The following S100A7A variants were observed in gnomAD, a reference collection of about 807,000 sequenced individuals.
S100A7A encodes the protein protein S100-A7A.
A neutral mutation model predicts 4.0 loss-of-function variants in S100A7A; 5 were observed. That is an observed-to-expected ratio of 1.26 (90% CI 0.66 to 2.66). S100A7A has a LOEUF of 2.66. Ranked by LOEUF, S100A7A falls within the 30% of genes most tolerant of loss-of-function variation. The pLI is 0.01. For missense variants in S100A7A, 159 were observed against 125.1 expected (o/e 1.27, Z -1.29); for synonymous variants, 52 against 46.4 (o/e 1.12, Z -0.49).
intron 1 of S100A7A, chr1:153,417,089 T>C (rs1420689822): frequency 1.3e-5 from 2 of 152,372 alleles, no homozygotes; most frequent in Non-Finnish European, 2.9e-5. Flanking sequence ...CTTAGTCAGT[T>C]GCTGGCACGG....
intron 1 of S100A7A, 159 bp from the exon 2 acceptor site, chr1:153,417,907 A>G: frequency 1.1e-6 from 1 of 924,338 alleles, no homozygotes; most frequent in Admixed American, 3.0e-5. Context: ...CTACCCTCTC[A>G]TTTTTGAACA....
rs1413099303 is a variant in S100A7A at position 153,421,792 on chromosome 1, T to C, written c.*2483T>C. On this transcript the variant is annotated 3_prime_UTR_variant, in exon 3 of 3. Coordinates refer to ENST00000368729, the MANE Select transcript of S100A7A (RefSeq NM_176823.4). ...ACTCCTAATGTGGGCCTGCCCTCCC[T>C]TTATTTTTCCAGTTCTTATTTCACC... is the stretch of plus-strand genomic sequence containing the variant. The C allele has an allele frequency of 1.3e-5, 2 of 152,238 alleles. No homozygotes were observed. Among genetic ancestry groups the C allele is most frequent in the Admixed American group, 1.3e-4 (2 of 15,288 alleles). 9.4% of individuals were successfully genotyped at this position (152,238 alleles called of 1,614,324 possible).
chr1:153,417,826 G>A (rs1238631700), intron 1 of S100A7A: 2 of 469,912 alleles, frequency 4.3e-6, no homozygotes, highest in East Asian at 7.5e-5. Context: ...ACTGTCCACA[G>A]CTGGACTTCT....
At chr1:153,417,394 AG>A (rs1292102198) in intron 1 of S100A7A, 1 of 152,400 alleles carries the variant, frequency 6.6e-6, no homozygotes, top group Non-Finnish European at 1.5e-5. Flanking sequence ...CAGCAGCTTA[AG>A]AACCAGGGAG....
chr1:153,421,228 T>C lies in S100A7A; in HGVS notation c.*1919T>C, dbSNP rs1662891081. 2 of 152,222 alleles carry C rather than the reference T, an allele frequency of 1.3e-5. No homozygotes were observed. Among genetic ancestry groups the C allele is most frequent in the Admixed American group, 1.3e-4 (2 of 15,288 alleles). The allele number at this position is 152,222 out of a possible 1,614,324, so 9.4% of individuals were successfully genotyped here. ...TAACATTACATTTCAAGGCTGAGCT[T>C]TAATGTCAGTGTCTCTTAGACATTC... On this transcript the variant is annotated 3_prime_UTR_variant, in exon 3 of 3. Coordinates refer to ENST00000368729, the MANE Select transcript of S100A7A (RefSeq NM_176823.4).
In S100A7A at chr1:153,419,294, TG is replaced by T; in HGVS notation, c.296del (p.Gly99GlufsTer18). Reference sequence around the variant, plus strand: ...AGAGCCATGGAGCGGCGCCCTGTTCTGGGGGAAGCCAGTGATCCAGCCCCAC... The same window carrying T: ...AGAGCCATGGAGCGGCGCCCTGTTCTGGGGAAGCCAGTGATCCAGCCCCAC... ...KQSHGAAPCSGGSQ is the reference protein window; with the variant it reads ...KQSHGAAPCSXGSQ On this transcript the variant is annotated frameshift_variant, in exon 3 of 3. Coordinates refer to ENST00000368729, the MANE Select transcript of S100A7A (RefSeq NM_176823.4). LOFTEE classifies it high-confidence loss of function. 6.2e-7 allele frequency: 1 copy of T among 1,614,098 alleles called. No homozygotes were observed. The highest frequency in any genetic ancestry group is 1.1e-5 in the South Asian group (1 of 91,064).
Position 153,421,019 on chromosome 1 carries a change from T to C in S100A7A, c.*1710T>C, listed in dbSNP as rs923046802. The C allele has an allele frequency of 1.1e-4, 16 of 152,202 alleles. No homozygotes were observed. The highest frequency in any genetic ancestry group is 2.7e-4 in the African/African-American group (11 of 41,398). 9.4% of individuals were successfully genotyped at this position (152,202 alleles called of 1,614,324 possible). ...AACCGTCATGCCAGGGTCCCAAAAG[T>C]GTGGGTGCCTGACTTCCTCTCTGTG... On this transcript the variant is annotated 3_prime_UTR_variant, in exon 3 of 3. Transcript: ENST00000368729.
At chr1:153,417,730 T>C (rs1206779161) in intron 1 of S100A7A, among the ~76,000 whole-genome samples, 5 of 152,156 alleles carry the variant, frequency 3.3e-5, no homozygotes, top group South Asian at 2.1e-4. Flanking sequence ...GGGTCCGCCA[T>C]GTGCTGGTTG....
chr1:153,418,508 C>G lies in S100A7A; in HGVS notation c.141+285C>G, dbSNP rs571390995. 3.3e-5 allele frequency among the ~76,000 whole-genome samples: 5 copies of G among 152,250 alleles called. No individual in the cohort carries two copies. The East Asian group carries it at 9.7e-4, about 29-fold the overall frequency. Reference sequence around the variant, plus strand: ...CCCTCCCAGCGCTCACTGACCCTCTCTCTGTGAGACTGAAACTCACATGCT... The same window carrying G: ...CCCTCCCAGCGCTCACTGACCCTCTGTCTGTGAGACTGAAACTCACATGCT... On this transcript the variant is annotated intron_variant, in intron 2 of 2. Transcript: ENST00000368729.
chr1:153,418,605 C>T (rs547500013), intron 2 of S100A7A, among the ~76,000 whole-genome samples: 21 of 152,190 alleles, frequency 1.4e-4, no homozygotes, highest in East Asian at 3.9e-4. Context: ...AGTTCCATTG[C>T]TAGTAGAAAT....
intron 1 of S100A7A, among the ~76,000 whole-genome samples, chr1:153,417,783 C>T (rs189085230): frequency 6.6e-6 from 1 of 152,154 alleles, no homozygotes; most frequent in Non-Finnish European, 1.5e-5. Context: ...TGTTGCTGGC[C>T]TCCGACTCTC....
chr1:153,417,020 A>T (rs1027110629), intron 1 of S100A7A, among the ~76,000 whole-genome samples: 1 of 152,244 alleles, frequency 6.6e-6, no homozygotes, highest in Non-Finnish European at 1.5e-5. Flanking sequence ...CTCTGGGCAC[A>T]GGGCTTGGCC....
intron 1 of S100A7A, among the ~76,000 whole-genome samples, chr1:153,417,028 G>C (rs986039557): frequency 2.6e-5 from 4 of 152,240 alleles, no homozygotes; most frequent in Admixed American, 6.5e-5. Context: ...ACAGGGCTTG[G>C]CCTCTGGCCT....
At position 153,422,919 on chromosome 1, in the gene S100A7A, G is replaced by C. The variant is rs1460753184; in HGVS notation, c.*3610G>C. ...CCCTGCCACTATAAAAACACCATGA[G>C]AGCATACTCATACATGTTCCCTTAT... On this transcript the variant is annotated 3_prime_UTR_variant, in exon 3 of 3. Transcript: ENST00000368729. 7 of 152,184 alleles carry C rather than the reference G, an allele frequency of 4.6e-5. No homozygotes were observed. Among genetic ancestry groups the C allele is most frequent in the Non-Finnish European group, 1.5e-5 (1 of 68,026 alleles). The allele number at this position is 152,184 out of a possible 1,614,324, so 9.4% of individuals were successfully genotyped here. A position where few individuals can be genotyped will look rare whatever the true frequency, so the allele number is the denominator to read the frequency against.
chr1:153,418,164 G>A lies in S100A7A; in HGVS notation c.82G>A (p.Glu28Lys). Residue 28 changes from glutamate (E) to lysine (K), a missense_variant, in exon 2 of 3, where the codon GAG (glutamate) becomes AAG (lysine). Physicochemically the swap from Glu to Lys is moderately conservative, Grantham distance 56. Transcript: ENST00000368729. Reference protein sequence around the residue: ...HKYTGRDGKIEKPSLLTMMKE... With the variant: ...HKYTGRDGKIKKPSLLTMMKE... ...ATACACCGGACGTGATGGCAAGATT[G>A]AGAAGCCAAGCCTGCTGACGATGAT... 1 of 1,614,080 alleles carries A rather than the reference G, an allele frequency of 6.2e-7. No individual in the cohort carries two copies. Among genetic ancestry groups the A allele is most frequent in the Non-Finnish European group, 8.5e-7 (1 of 1,179,950 alleles).
rs376482233 is a variant in S100A7A at position 153,419,320 on chromosome 1, C to T, written c.*11C>T. ...GGGGGAAGCCAGTGATCCAGCCCCA[C>T]CAAGGGGCCTCCAGAGACCCCAGGA... On this transcript the variant is annotated 3_prime_UTR_variant, in exon 3 of 3. Transcript: ENST00000368729. 6.2e-7 allele frequency: 1 copy of T among 1,612,018 alleles called. No individual in the cohort carries two copies. Among genetic ancestry groups the T allele is most frequent in the South Asian group, 1.1e-5 (1 of 90,754 alleles).
chr1:153,421,523 C>T lies in S100A7A; in HGVS notation c.*2214C>T, dbSNP rs1179206589. On this transcript the variant is annotated 3_prime_UTR_variant, in exon 3 of 3. Coordinates refer to ENST00000368729, the MANE Select transcript of S100A7A (RefSeq NM_176823.4). ...GTATTTGTGCAAATTCTAGTCAATA[C>T]TACTTTATGTAAACAGCAGTGTAAA... The T allele has an allele frequency of 6.6e-6, 1 of 152,186 alleles. No homozygotes were observed. Among genetic ancestry groups the T allele is most frequent in the Non-Finnish European group, 1.5e-5 (1 of 68,042 alleles). The allele number at this position is 152,186 out of a possible 1,614,324, so 9.4% of individuals were successfully genotyped here. A position where few individuals can be genotyped will look rare whatever the true frequency, so the allele number is the denominator to read the frequency against.
At position 153,422,435 on chromosome 1, in the gene S100A7A, T is replaced by C; in HGVS notation, c.*3126T>C. 1.2e-6 allele frequency: 1 copy of C among 848,388 alleles called. No individual in the cohort carries two copies. The highest frequency in any genetic ancestry group is 5.4e-5 in the South Asian group (1 of 18,442). 52.6% of individuals were successfully genotyped at this position (848,388 alleles called of 1,614,324 possible). ...ACACATACTAGAGCAAGAATTTACT[T>C]GATTTGGAATAATTAATAGCTACTG... On this transcript the variant is annotated 3_prime_UTR_variant, in exon 3 of 3. Coordinates refer to ENST00000368729, the MANE Select transcript of S100A7A (RefSeq NM_176823.4).
At position 153,420,850 on chromosome 1, in the gene S100A7A, C is replaced by T. The variant is rs557143707; in HGVS notation, c.*1541C>T. The stretch of plus-strand genomic sequence containing the variant: ...CTCTATGCAGCCTGCCCTCCATCAT[C>T]CACCCCAGAATTGCTCTCTTTCCTC... On this transcript the variant is annotated 3_prime_UTR_variant, in exon 3 of 3. Transcript: ENST00000368729. 1 of 152,442 alleles carries T rather than the reference C, an allele frequency of 6.6e-6. No individual in the cohort carries two copies. Among genetic ancestry groups the T allele is most frequent in the African/African-American group, 2.4e-5 (1 of 41,502 alleles). The allele number at this position is 152,442 out of a possible 1,614,324, so 9.4% of individuals were successfully genotyped here.
Sources: allele counts gnomAD v4.1 joint callset (sites outside exome capture counted in the v4.1 genomes callset), GRCh38; gene constraint gnomAD v4.1.1; transcripts MANE v1.5; gene names NCBI Gene and HGNC (gene_info 2026-07-23, HGNC 2026-07-21).